The following NBEA variants were observed in gnomAD, a reference collection of about 807,000 sequenced individuals.
The protein encoded by NBEA is neurobeachin, also known as lysosomal-trafficking regulator 2.
In NBEA, 44 loss-of-function variants were observed where a neutral mutation model predicts 343.4. That is an observed-to-expected ratio of 0.13 (90% confidence interval 0.10 to 0.16). The LOEUF (loss-of-function observed/expected upper bound fraction) is 0.16. Among genes scored for constraint, NBEA ranks in the 10% least tolerant of loss-of-function variants. The pLI is 1.00. For missense variants in NBEA, 2,555 were observed against 3,631.3 expected (o/e 0.70, Z 7.62); for synonymous variants, 1,175 against 1,238.7 (o/e 0.95, Z 1.08).
chr13:35,293,010 C>T (rs2035894717), intron 35 of NBEA, among the ~76,000 whole-genome samples: 1 of 151,104 alleles, frequency 6.6e-6, no homozygotes, highest in Non-Finnish European at 1.5e-5. Context: ...TATTTTTATG[C>T]TTCTCATTTT....
intron 30 of NBEA, among the ~76,000 whole-genome samples, chr13:35,192,496 TA>T (rs1356645863): frequency 6.6e-6 from 1 of 152,012 alleles, no homozygotes; most frequent in Admixed American, 6.6e-5. Flanking sequence ...TCAAAATTAC[TA>T]CTTCCTTTTT....
intron 45 of NBEA, among the ~76,000 whole-genome samples, chr13:35,576,260 G>GT (rs1231142904): frequency 2.0e-5 from 3 of 151,100 alleles, no homozygotes; most frequent in Admixed American, 6.6e-5. Context: ...GAGATTACAT[G>GT]TGCCCACCTC....
In NBEA at chr13:35,430,682, A is replaced by G. The variant is rs143813119; in HGVS notation, c.6180-1587A>G. Among the ~76,000 whole-genome samples the G allele has an allele frequency of 5.5e-3, 836 of 152,258 alleles. 9 individuals are homozygous for G. The highest frequency in any genetic ancestry group is 0.019 in the African/African-American group (783 of 41,548). On this transcript the variant is annotated intron_variant, in intron 38 of 58. Transcript: ENST00000379939. Reference sequence around the variant, plus strand: ...GAGTATGTCTATGGTTAGAAATTTTAGATAACATTAGCTCTCTGACCACTT... The same window carrying G: ...GAGTATGTCTATGGTTAGAAATTTTGGATAACATTAGCTCTCTGACCACTT...
intron 38 of NBEA, among the ~76,000 whole-genome samples, chr13:35,366,705 GA>G (rs11344970): frequency 0.3 from 43,425 of 145,680 alleles, 8,121 homozygotes; most frequent in African/African-American, 0.54. Flanking sequence ...AGGTATTCAG[GA>G]AAAAAAAAAC....
chr13:35,237,032 T>A (rs944018313), intron 34 of NBEA, among the ~76,000 whole-genome samples: 2 of 152,052 alleles, frequency 1.3e-5, no homozygotes, highest in African/African-American at 2.4e-5. Flanking sequence ...CGAAAGCAGA[T>A]GTATTGCTTG....
chr13:35,237,095 A>G (rs987709320), intron 34 of NBEA, among the ~76,000 whole-genome samples: 3 of 152,012 alleles, frequency 2.0e-5, no homozygotes, highest in Non-Finnish European at 4.4e-5. Flanking sequence ...CTGTCCCTAG[A>G]AAAAATAAAA....
intron 11 of NBEA, among the ~76,000 whole-genome samples, chr13:35,098,922 C>T (rs1409748216): frequency 6.6e-6 from 1 of 151,898 alleles, no homozygotes; most frequent in East Asian, 1.9e-4. Flanking sequence ...TCTCAGTTCT[C>T]GGACTGAAAA....
intron 45 of NBEA, among the ~76,000 whole-genome samples, chr13:35,577,493 T>C (rs889476737): frequency 6.6e-6 from 1 of 152,212 alleles, no homozygotes; most frequent in Non-Finnish European, 1.5e-5. Context: ...CATTTCCTCA[T>C]TTATTTAATT....
At chr13:35,431,516 A>G (rs2045108477) in intron 38 of NBEA, among the ~76,000 whole-genome samples, 1 of 152,142 alleles carries the variant, frequency 6.6e-6, no homozygotes, top group East Asian at 1.9e-4. Context: ...TTGGATTTTT[A>G]GTATTGGTTT....
At chr13:35,404,204 A>G (rs1346052441) in intron 38 of NBEA, among the ~76,000 whole-genome samples, 2 of 152,170 alleles carry the variant, frequency 1.3e-5, no homozygotes, top group African/African-American at 4.8e-5. Flanking sequence ...GCGATTCCTC[A>G]GGGATCTAGA....
In NBEA at chr13:34,980,543, C is replaced by T. The variant is rs546277526; in HGVS notation, c.294+37429C>T. On this transcript the variant is annotated intron_variant, in intron 1 of 58. Coordinates refer to ENST00000379939, the MANE Select transcript of NBEA (RefSeq NM_001385012.1). ...CCTCCAATGTATGTTGAAACTTAAT[C>T]CTAATGCAACATTCTGAAGAGGTGT... Among the ~76,000 whole-genome samples the T allele has an allele frequency of 2.6e-5, 4 of 151,794 alleles. No homozygotes were observed. In the South Asian group the frequency reaches 6.2e-4, roughly 24 times the overall value.
chr13:34,950,027 C>G (rs1413492031), intron 1 of NBEA, among the ~76,000 whole-genome samples: 1 of 152,150 alleles, frequency 6.6e-6, no homozygotes, highest in Non-Finnish European at 1.5e-5. Flanking sequence ...TGCCTAGCAT[C>G]CATTCTTTCT....
intron 1 of NBEA, among the ~76,000 whole-genome samples, chr13:34,972,804 T>A (rs925663710): frequency 1.3e-5 from 2 of 152,264 alleles, no homozygotes; most frequent in South Asian, 4.1e-4. Flanking sequence ...ACCGGCCTGG[T>A]TTTTGTTCAT....
chr13:35,546,646 G>T (rs909917123), intron 41 of NBEA, among the ~76,000 whole-genome samples: 1 of 151,170 alleles, frequency 6.6e-6, no homozygotes, highest in Admixed American at 6.6e-5. Flanking sequence ...TCTGCCTCCC[G>T]GATTCAAGCA....
chr13:35,374,294 T>C (rs2041621773), intron 38 of NBEA, among the ~76,000 whole-genome samples: 1 of 152,198 alleles, frequency 6.6e-6, no homozygotes, highest in East Asian at 1.9e-4. Flanking sequence ...CATTCATTGG[T>C]TGAGTTCACA....
intron 31 of NBEA, among the ~76,000 whole-genome samples, chr13:35,198,028 G>A (rs1462742555): frequency 6.6e-6 from 1 of 152,088 alleles, no homozygotes; most frequent in Admixed American, 6.6e-5. Context: ...GGTGTCAGAA[G>A]TTTTAAAAAG....
At chr13:35,647,570 T>TTTG (rs781681142) in intron 51 of NBEA, among the ~76,000 whole-genome samples, 1 of 152,054 alleles carries the variant, frequency 6.6e-6, no homozygotes, top group African/African-American at 2.4e-5. Context: ...ATAAATGCTT[T>TTTG]TTGTTGTTGT....
chr13:35,545,787 C>T (rs990522193), intron 41 of NBEA, among the ~76,000 whole-genome samples: 8 of 152,066 alleles, frequency 5.3e-5, no homozygotes, highest in Non-Finnish European at 8.8e-5. Context: ...CTAATCCAGT[C>T]GAAAGTTCCA....
chr13:35,306,724 T>C (rs1555360657), intron 35 of NBEA, among the ~76,000 whole-genome samples: 2 of 152,128 alleles, frequency 1.3e-5, no homozygotes, highest in African/African-American at 2.4e-5. Context: ...CCTGAGGCAA[T>C]GTATATACGT....
Sources: gnomAD v4.1 joint callset for allele counts (sites outside exome capture counted in the v4.1 genomes callset) on GRCh38, gnomAD v4.1.1 for gene constraint, MANE v1.5 for transcripts, NCBI Gene and HGNC (gene_info 2026-07-23, HGNC 2026-07-21) for gene names.